Variants in ANK1 observed in about 807,000 individuals in gnomAD.
ANK1 encodes the protein ankyrin 1.
ANK1 carries 51 observed loss-of-function variants against 210.4 expected under a neutral mutation model. The observed-to-expected ratio is 0.24, with a 90% CI of 0.19 to 0.31. The LOEUF (loss-of-function observed/expected upper bound fraction) is 0.31, where lower values mean the gene tolerates loss of function less well. ANK1 is among the 10% of genes least tolerant of loss of function. ANK1 has a pLI of 1.00. For missense variants in ANK1, 2,051 were observed against 2,504.4 expected (o/e 0.82, Z 3.86); for synonymous variants, 967 against 1,025.9 (o/e 0.94, Z 1.10).
chr8:41,763,881 C>CTTTTTTTCTTTTTTTTTTTT (rs1841070138), intron 1 of ANK1, among the ~76,000 whole-genome samples: 1 of 72,142 alleles, frequency 1.4e-5, no homozygotes, highest in African/African-American at 5.2e-5. Flanking sequence ...TTCTTTTTTT[C>CTTTTTTTCTTTTTTTTTTTT]TTTTTTTCTT....
rs143978160 is a variant in ANK1, at chr8:41,836,509, C to G, written c.126+59846G>C. On this transcript the variant is annotated intron_variant, in intron 1 of 42. Coordinates refer to the ANK1 transcript ENST00000265709. Reference sequence around the variant, plus strand: ...CCGCCCAGCAATGTGGCCGGGCTCCCGGTCCCCCTCCCCTGAGGTGGTGGT... The same window carrying G: ...CCGCCCAGCAATGTGGCCGGGCTCCGGGTCCCCCTCCCCTGAGGTGGTGGT... Among the ~76,000 whole-genome samples, 588 of 152,332 alleles carry G rather than the reference C, an allele frequency of 3.9e-3. 4 individuals are homozygous for G. The highest frequency in any genetic ancestry group is 0.013 in the African/African-American group (555 of 41,574).
At chr8:41,750,715 C>T (rs1837500537) in intron 2 of ANK1, among the ~76,000 whole-genome samples, 2 of 152,244 alleles carry the variant, frequency 1.3e-5, no homozygotes, top group South Asian at 4.1e-4. Flanking sequence ...CAGACACATA[C>T]ATGCATATGA....
intron 1 of ANK1, among the ~76,000 whole-genome samples, chr8:41,883,163 G>T (rs770735834): frequency 6.6e-6 from 1 of 152,184 alleles, no homozygotes; most frequent in Non-Finnish European, 1.5e-5. Flanking sequence ...GTGTGGCCCC[G>T]GGCACTTCAT....
intron 29 of ANK1, 98 bp downstream of exon 29, chr8:41,693,800 A>AG: frequency 7.3e-7 from 1 of 1,377,356 alleles, no homozygotes; most frequent in Non-Finnish European, 1.0e-6. Context: ...ACAAAAACTA[A>AG]GGGGATTGCT....
In ANK1 at chr8:41,704,286, C is replaced by T. The variant is rs997429891; in HGVS notation, c.2196+88G>A. 2.1e-6 allele frequency: 3 copies of T among 1,443,032 alleles called. No homozygotes were observed. The highest frequency in any genetic ancestry group is 2.8e-5 in the African/African-American group (2 of 71,494). The allele number at this position is 1,443,032 out of a possible 1,614,324, so 89.4% of individuals were successfully genotyped here. Reference sequence around the variant, plus strand: ...TTCCTTCAGGGTCCATGGTCAAAACCCTAGTGCTCCCAGAGCAGCTCTGGC... The same window carrying T: ...TTCCTTCAGGGTCCATGGTCAAAACTCTAGTGCTCCCAGAGCAGCTCTGGC... On this transcript the variant is annotated intron_variant, in intron 19 of 42. Coordinates refer to ENST00000289734, the MANE Select transcript of ANK1 (RefSeq NM_000037.4). The surrounding 1 kb of genome is among the most constrained non-coding windows in gnomAD (Gnocchi z 4.1).
At chr8:41,770,133 C>G (rs1842732047) in intron 1 of ANK1, among the ~76,000 whole-genome samples, 2 of 152,028 alleles carry the variant, frequency 1.3e-5, no homozygotes, top group Admixed American at 1.3e-4. Flanking sequence ...AGGCATGCAC[C>G]AACATGCCCA....
In ANK1 at chr8:41,661,543, G is replaced by T. The variant is rs372306693; in HGVS notation, c.5566C>A (p.Leu1856Ile). 4 of 1,613,876 alleles carry T rather than the reference G, an allele frequency of 2.5e-6. No individual in the cohort carries two copies. In the African/African-American group the frequency reaches 5.3e-5, roughly 22 times the overall value. The change falls in exon 42 of 43, where the codon CTA becomes ATA. Residue 1856 changes from leucine (L) to isoleucine (I), a missense_variant. Leu to Ile is a conservative substitution (Grantham distance 5). Coordinates refer to ENST00000289734, the MANE Select transcript of ANK1 (RefSeq NM_000037.4). ...HEEVELRGSG[L>I]QPDLIEGRKG... ...CTGCCCTCTATCAGGTCCGGCTGTA[G>T]GCCACTCCCTCTCAGCTCCACCTGC...
rs5891167 is a variant in ANK1 at position 41,655,305 on chromosome 8, CTT to C, written c.*483_*484del. 6.5e-4 allele frequency: 95 copies of C among 145,368 alleles called. No individual in the cohort carries two copies. The highest frequency in any genetic ancestry group is 2.2e-3 in the South Asian group (11 of 5,108). The allele number at this position is 145,368 out of a possible 1,614,324, so 9.0% of individuals were successfully genotyped here. On this transcript the variant is annotated 3_prime_UTR_variant, in exon 43 of 43. Transcript: ENST00000289734. ...TTAAACTGATTTCATGCCTAGTTTT[CTT>C]TTTTTTTTTTTTCTTTCCAGGAAGC...
At chr8:41,787,097 C>T (rs181768641) in intron 1 of ANK1, among the ~76,000 whole-genome samples, 6 of 152,158 alleles carry the variant, frequency 3.9e-5, no homozygotes, top group Non-Finnish European at 5.9e-5. Context: ...GGGCCATGGC[C>T]TTAAGGGGAC....
chr8:41,877,317 C>T (rs1047639180), intron 1 of ANK1, among the ~76,000 whole-genome samples: 12 of 152,234 alleles, frequency 7.9e-5, no homozygotes, highest in African/African-American at 2.9e-4. Flanking sequence ...AAGGAGCAGG[C>T]TCATGGTGGC....
intron 37 of ANK1, among the ~76,000 whole-genome samples, chr8:41,677,035 G>T (rs948669797): frequency 1.3e-5 from 2 of 152,066 alleles, no homozygotes; most frequent in African/African-American, 4.8e-5. Flanking sequence ...ATTTATATGG[G>T]GCTATATCTA....
chr8:41,716,375 A>C (rs1827678806), intron 13 of ANK1, among the ~76,000 whole-genome samples: 1 of 151,978 alleles, frequency 6.6e-6, no homozygotes, highest in Non-Finnish European at 1.5e-5. Context: ...CCTGTTTCTG[A>C]ATGCTGCTGT....
intron 9 of ANK1, among the ~76,000 whole-genome samples, chr8:41,720,635 T>C (rs1829012369): frequency 6.6e-6 from 1 of 151,966 alleles, no homozygotes; most frequent in Non-Finnish European, 1.5e-5. Context: ...AGACATGGTG[T>C]TGTCTTTCAG....
chr8:41,835,374 C>T (rs1587313728), intron 1 of ANK1, among the ~76,000 whole-genome samples: 1 of 152,272 alleles, frequency 6.6e-6, no homozygotes, highest in South Asian at 2.1e-4. Flanking sequence ...ATCGCTTGAA[C>T]CCGGGAGGTG....
chr8:41,714,971 C>A lies in ANK1; in HGVS notation c.1701+5G>T. The stretch of plus-strand genomic sequence containing the variant: ...GCTGCAGGGGAGGGCAGGGTTCAAA[C>A]TCACTTTTCCGGCAGCATTCGGGTG... On this transcript the variant is annotated splice_donor_5th_base_variant and intron_variant, in intron 15 of 42. Coordinates refer to ENST00000289734, the MANE Select transcript of ANK1 (RefSeq NM_000037.4). The A allele has an allele frequency of 6.2e-7, 1 of 1,614,114 alleles. No individual in the cohort carries two copies. The highest frequency in any genetic ancestry group is 8.5e-7 in the Non-Finnish European group (1 of 1,179,978).
chr8:41,752,441 T>A (rs1837936758), intron 2 of ANK1, among the ~76,000 whole-genome samples: 1 of 152,164 alleles, frequency 6.6e-6, no homozygotes, highest in South Asian at 2.1e-4. Context: ...CTTCCAAATA[T>A]CTATCTTTGG....
chr8:41,798,290 C>G (rs182486840), upstream of ANK1, among the ~76,000 whole-genome samples: 402 of 152,162 alleles, frequency 2.6e-3, 2 homozygotes, highest in African/African-American at 9.2e-3. Context: ...TCACTAGGGC[C>G]CCATGCTGCT....
At chr8:41,758,665 A>C (rs2150713954) in intron 1 of ANK1, among the ~76,000 whole-genome samples, 1 of 152,054 alleles carries the variant, frequency 6.6e-6, no homozygotes, top group East Asian at 1.9e-4. Flanking sequence ...TTTATAAGCA[A>C]ACGTTCTTGG....
rs1268400309 is a variant in ANK1 at position 41,716,906 on chromosome 8, G to A, written c.1404+47C>T. On this transcript the variant is annotated intron_variant, in intron 13 of 42. Coordinates refer to ENST00000289734, the MANE Select transcript of ANK1 (RefSeq NM_000037.4). ...AGGATGGGTTCTCTGCACAGTGCTG[G>A]AACTGCTCACATCTGAAACCCTTCC... 2.5e-6 allele frequency: 4 copies of A among 1,579,814 alleles called. No individual in the cohort carries two copies. In the South Asian group the frequency reaches 4.4e-5, roughly 17 times the overall value.
Sources: gnomAD v4.1 joint callset for allele counts (sites outside exome capture counted in the v4.1 genomes callset) on GRCh38, gnomAD v4.1.1 for gene constraint, Gnocchi (gnomAD v3.1) non-coding constraint, MANE v1.5 for transcripts, NCBI Gene and HGNC (gene_info 2026-07-23, HGNC 2026-07-21) for gene names.